Variants in CAMK2D observed in about 807,000 individuals in gnomAD.
CAMK2D encodes the protein calcium/calmodulin-dependent protein kinase type II subunit delta.
CAMK2D carries 37 observed loss-of-function variants against 84.0 expected under a neutral mutation model. The ratio of observed to expected loss-of-function variants is 0.44; its 90% confidence interval spans 0.34 to 0.58. The LOEUF (loss-of-function observed/expected upper bound fraction) is 0.58. CAMK2D is among the 20% of genes least tolerant of loss of function. The probability of loss-of-function intolerance (pLI) is 0.02; values close to 1 mark genes in which losing one functional copy is unlikely to be tolerated. For missense variants in CAMK2D, 448 were observed against 652.5 expected (o/e 0.69, Z 3.41); for synonymous variants, 202 against 212.5 (o/e 0.95, Z 0.43).
intron 4 of CAMK2D, among the ~76,000 whole-genome samples, chr4:113,569,775 T>C (rs2098743600): frequency 6.6e-6 from 1 of 152,190 alleles, no homozygotes; most frequent in African/African-American, 2.4e-5. Context: ...TTTTATGTTG[T>C]TGTAATTTAG....
At chr4:113,719,683 T>C (rs2099524370) in intron 2 of CAMK2D, among the ~76,000 whole-genome samples, 1 of 152,160 alleles carries the variant, frequency 6.6e-6, no homozygotes, top group Non-Finnish European at 1.5e-5. Flanking sequence ...CCTTGGGGGA[T>C]GGGGAAGGAA....
chr4:113,691,043 T>G (rs2099385575), intron 2 of CAMK2D, among the ~76,000 whole-genome samples: 1 of 152,184 alleles, frequency 6.6e-6, no homozygotes, highest in South Asian at 2.1e-4. Context: ...CACAATTGTC[T>G]TGGGATTTAC....
chr4:113,505,023 C>T lies in CAMK2D; in HGVS notation c.997G>A (p.Ala333Thr). 6.3e-7 allele frequency: 1 copy of T among 1,580,706 alleles called. No individual in the cohort carries two copies. The highest frequency in any genetic ancestry group is 1.1e-5 in the South Asian group (1 of 87,526). Residue 333 changes from alanine to threonine, a missense_variant, in exon 14 of 21, where the codon GCC becomes ACC. Physicochemically the swap from Ala to Thr is moderately conservative, Grantham distance 58. Around this residue, in one of 7 missense-constraint regions of CAMK2D, gnomAD observed 219 missense variants for 272.1 expected, o/e 0.80. Coordinates refer to ENST00000511664, the MANE Select transcript of CAMK2D (RefSeq NM_001321571.2). ...TCTTTGGGGCTGGTTACCACGTTGGCTTTGTTGTTTATCTGTGGGTATGCA... is the reference window on the plus strand; with the variant it reads ...TCTTTGGGGCTGGTTACCACGTTGGTTTTGTTGTTTATCTGTGGGTATGCA... ...KPDGVKINNKANVVTSPKENI... is the reference protein window; with the variant it reads ...KPDGVKINNKTNVVTSPKENI...
At chr4:113,639,652 C>G (rs2099124281) in intron 3 of CAMK2D, among the ~76,000 whole-genome samples, 1 of 151,048 alleles carries the variant, frequency 6.6e-6, no homozygotes, top group South Asian at 2.1e-4. Flanking sequence ...GGAGTTCAGC[C>G]AGACAAAGTG....
chr4:113,493,338 G>A (rs541040675), intron 16 of CAMK2D, among the ~76,000 whole-genome samples: 6 of 151,836 alleles, frequency 4.0e-5, no homozygotes, highest in Admixed American at 3.9e-4. Flanking sequence ...GGCAGGCCTG[G>A]TGGTGACAAA....
chr4:113,475,487 T>C (rs2097597287), intron 16 of CAMK2D, among the ~76,000 whole-genome samples: 1 of 152,236 alleles, frequency 6.6e-6, no homozygotes, highest in Non-Finnish European at 1.5e-5. Context: ...GTGATCTTTT[T>C]AAAGGTATCT....
chr4:113,583,204 C>T (rs1330523007), intron 4 of CAMK2D, among the ~76,000 whole-genome samples: 1 of 151,712 alleles, frequency 6.6e-6, no homozygotes, highest in East Asian at 1.9e-4. Context: ...GTTTTGAATT[C>T]CAATGTGCAT....
chr4:113,513,187 G>A, intron 12 of CAMK2D, 141 bp downstream of exon 12: 1 of 1,479,038 alleles, frequency 6.8e-7, no homozygotes, highest in South Asian at 1.4e-5. Context: ...AGGTGTAGAA[G>A]GAATCTGTGC....
chr4:113,645,944 T>C (rs772957482), intron 3 of CAMK2D, among the ~76,000 whole-genome samples: 2 of 152,142 alleles, frequency 1.3e-5, no homozygotes, highest in South Asian at 2.1e-4. Flanking sequence ...GCCAGCAGAA[T>C]AGGAATTTCA....
At chr4:113,524,235 G>A (rs1450837831) in intron 8 of CAMK2D, among the ~76,000 whole-genome samples, 1 of 152,116 alleles carries the variant, frequency 6.6e-6, no homozygotes, top group Non-Finnish European at 1.5e-5. Context: ...TCATGAAACA[G>A]ATCTCCAGTT....
chr4:113,615,342 AACAC>A (rs2099016977), intron 3 of CAMK2D, among the ~76,000 whole-genome samples: 1 of 152,090 alleles, frequency 6.6e-6, no homozygotes, highest in South Asian at 2.1e-4. Flanking sequence ...AAAATGTAAA[AACAC>A]ACACACTAGT....
chr4:113,692,609 CATAT>C (rs959629630), intron 2 of CAMK2D, among the ~76,000 whole-genome samples: 9 of 151,300 alleles, frequency 5.9e-5, no homozygotes, highest in East Asian at 1.9e-4. Context: ...TTCATACATA[CATAT>C]AGTCACACAT....
At chr4:113,526,602 C>G (rs1346087106) in intron 8 of CAMK2D, among the ~76,000 whole-genome samples, 1 of 151,866 alleles carries the variant, frequency 6.6e-6, no homozygotes, top group African/African-American at 2.4e-5. Context: ...CTTATAAGTT[C>G]TCTCACATTT....
chr4:113,742,652 A>T (rs968686291), intron 2 of CAMK2D, among the ~76,000 whole-genome samples: 38 of 152,144 alleles, frequency 2.5e-4, no homozygotes, highest in African/African-American at 7.2e-4. Context: ...CAGACTTTTT[A>T]AAAAAGGTAT....
intron 4 of CAMK2D, among the ~76,000 whole-genome samples, chr4:113,583,004 G>A (rs1173917460): frequency 6.6e-6 from 1 of 152,196 alleles, no homozygotes; most frequent in Non-Finnish European, 1.5e-5. Flanking sequence ...TGACTGCTCA[G>A]CTCTTCAGTG....
chr4:113,534,331 GAAAAGA>G (rs1034894186), intron 7 of CAMK2D, among the ~76,000 whole-genome samples: 21 of 152,020 alleles, frequency 1.4e-4, no homozygotes, highest in African/African-American at 5.1e-4. Flanking sequence ...TTGAACTTGA[GAAAAGA>G]AAAAGAAAGA....
At chr4:113,497,922 G>C (rs1438421775) in intron 16 of CAMK2D, among the ~76,000 whole-genome samples, 2 of 152,218 alleles carry the variant, frequency 1.3e-5, no homozygotes, top group Non-Finnish European at 2.9e-5. Context: ...AAAGTGTGGT[G>C]TCTCACTGAT....
chr4:113,742,053 C>T (rs982687851), intron 2 of CAMK2D, among the ~76,000 whole-genome samples: 5 of 152,186 alleles, frequency 3.3e-5, no homozygotes, highest in Non-Finnish European at 7.3e-5. Context: ...ACTTATCTAT[C>T]CAAATGCCTT....
chr4:113,732,107 G>C (rs2148793606), intron 2 of CAMK2D, among the ~76,000 whole-genome samples: 1 of 151,936 alleles, frequency 6.6e-6, no homozygotes, highest in South Asian at 2.1e-4. Context: ...AGACTCTTGG[G>C]ACATCAGCAC....
Sources: gnomAD v4.1 joint callset for allele counts (sites outside exome capture counted in the v4.1 genomes callset) on GRCh38, gnomAD v4.1.1 for gene constraint, gnomAD v4.1.1 regional missense constraint, MANE v1.5 for transcripts, NCBI Gene and HGNC (gene_info 2026-07-23, HGNC 2026-07-21) for gene names.